Variants in CA10 observed in about 807,000 individuals in gnomAD.
CA10 encodes carbonic anhydrase-related protein 10.
A neutral mutation model predicts 44.2 loss-of-function variants in CA10; 14 were observed. That is an observed-to-expected ratio of 0.32 (90% CI 0.21 to 0.50). CA10 has a LOEUF of 0.50. Among genes scored for constraint, CA10 ranks in the 20% least tolerant of loss-of-function variants. The pLI is 0.99. For missense variants in CA10, 350 were observed against 409.7 expected (o/e 0.85, Z 1.26); for synonymous variants, 159 against 141.6 (o/e 1.12, Z -0.87).
chr17:51,979,414 C>T (rs950107479), intron 2 of CA10, among the ~76,000 whole-genome samples: 1 of 152,064 alleles, frequency 6.6e-6, no homozygotes, highest in East Asian at 1.9e-4. Flanking sequence ...GTTTGTTGTA[C>T]AGATTATTTC....
At chr17:52,091,453 AG>A (rs1988263791) in intron 1 of CA10, among the ~76,000 whole-genome samples, 1 of 152,168 alleles carries the variant, frequency 6.6e-6, no homozygotes, top group African/African-American at 2.4e-5. Flanking sequence ...TATAGATGGG[AG>A]CAAGAAAGCC....
intron 3 of CA10, among the ~76,000 whole-genome samples, chr17:51,779,761 G>T (rs1905972100): frequency 6.6e-6 from 1 of 152,174 alleles, no homozygotes; most frequent in Non-Finnish European, 1.5e-5. Flanking sequence ...CAAATTCATG[G>T]ATTTAGGTGA....
At chr17:52,061,114 T>A in intron 2 of CA10, among the ~76,000 whole-genome samples, 1 of 152,182 alleles carries the variant, frequency 6.6e-6, no homozygotes, top group South Asian at 2.1e-4. Flanking sequence ...AACCTGTGAA[T>A]GTGTTACCTT....
chr17:51,905,817 A>T (rs925155468), intron 3 of CA10, among the ~76,000 whole-genome samples: 1 of 151,878 alleles, frequency 6.6e-6, no homozygotes, highest in Non-Finnish European at 1.5e-5. Flanking sequence ...CAAATTTCCA[A>T]TTCCCGCTCC....
chr17:51,797,767 C>T (rs1049168403), intron 3 of CA10, among the ~76,000 whole-genome samples: 5 of 137,620 alleles, frequency 3.6e-5, no homozygotes, highest in Non-Finnish European at 6.1e-5. Context: ...AGGAGAATTA[C>T]TTGAACCTAG....
At chr17:51,838,799 C>G (rs1978296756) in intron 3 of CA10, among the ~76,000 whole-genome samples, 1 of 152,214 alleles carries the variant, frequency 6.6e-6, no homozygotes, top group Admixed American at 6.5e-5. Flanking sequence ...GATTAGTTCT[C>G]CAGCACCTCC....
intron 2 of CA10, among the ~76,000 whole-genome samples, chr17:51,937,983 C>A (rs556254010): frequency 1.4e-4 from 21 of 152,200 alleles, no homozygotes; most frequent in African/African-American, 4.6e-4. Flanking sequence ...CACCGGAATG[C>A]CAACTATTAT....
intron 2 of CA10, among the ~76,000 whole-genome samples, chr17:52,050,292 T>C (rs758075613): frequency 1.3e-5 from 2 of 152,076 alleles, no homozygotes; most frequent in Non-Finnish European, 2.9e-5. Flanking sequence ...TCTGTAGACA[T>C]TGTCTCCAAA....
chr17:51,723,449 G>C (rs768458373), intron 4 of CA10, among the ~76,000 whole-genome samples: 8 of 152,164 alleles, frequency 5.3e-5, no homozygotes, highest in Admixed American at 2.0e-4. Flanking sequence ...AAGTGCTACT[G>C]GTGCCTGGGA....
chr17:52,129,832 A>G (rs1160012185), intron 1 of CA10, among the ~76,000 whole-genome samples: 1 of 152,196 alleles, frequency 6.6e-6, no homozygotes, highest in Non-Finnish European at 1.5e-5. Flanking sequence ...TTTGTTGACA[A>G]TTCTGCACAG....
chr17:51,766,583 C>A (rs894871785), intron 3 of CA10, among the ~76,000 whole-genome samples: 6 of 152,094 alleles, frequency 3.9e-5, no homozygotes, highest in Non-Finnish European at 7.4e-5. Flanking sequence ...ATTTGCTGGG[C>A]AATCTATCTA....
chr17:52,060,692 A>G (rs900491855), intron 2 of CA10, among the ~76,000 whole-genome samples: 4 of 152,202 alleles, frequency 2.6e-5, no homozygotes, highest in Admixed American at 6.5e-5. Context: ...TTAATCTGGC[A>G]TATAGCCTTT....
chr17:51,998,190 T>G (rs1294259209), intron 2 of CA10, among the ~76,000 whole-genome samples: 1 of 152,050 alleles, frequency 6.6e-6, no homozygotes, highest in African/African-American at 2.4e-5. Context: ...ATGTCCTTTG[T>G]TCACCCACCC....
chr17:52,126,400 AT>A (rs879538385), intron 1 of CA10, among the ~76,000 whole-genome samples: 2 of 152,248 alleles, frequency 1.3e-5, no homozygotes, highest in African/African-American at 2.4e-5. Flanking sequence ...TTTTAAAAAA[AT>A]ATCCATCAGT....
chr17:51,908,105 C>G (rs2651637), intron 3 of CA10, among the ~76,000 whole-genome samples: 102,809 of 151,762 alleles, frequency 0.68, 35,126 homozygotes, highest in Non-Finnish European at 0.7. Flanking sequence ...GTTCTCTGAC[C>G]CACAAACACT....
intron 3 of CA10, among the ~76,000 whole-genome samples, chr17:51,748,961 T>C (rs1463764472): frequency 1.3e-5 from 2 of 152,346 alleles, no homozygotes; most frequent in South Asian, 2.1e-4. Flanking sequence ...CCTGCCACCT[T>C]ACTGTAGAAT....
At chr17:52,103,399 T>A (rs2143256358) in intron 1 of CA10, among the ~76,000 whole-genome samples, 1 of 152,256 alleles carries the variant, frequency 6.6e-6, no homozygotes, top group Middle Eastern at 3.4e-3. Context: ...GAGAGGCAAG[T>A]TTGCACTTGT....
chr17:52,133,152 G>A (rs1418161257), intron 1 of CA10, among the ~76,000 whole-genome samples: 1 of 152,178 alleles, frequency 6.6e-6, no homozygotes, highest in African/African-American at 2.4e-5. Flanking sequence ...ATGCCCTTTG[G>A]TGAAATCAGG....
At chr17:51,805,253 A>C (rs1348526160) in intron 3 of CA10, among the ~76,000 whole-genome samples, 2 of 152,120 alleles carry the variant, frequency 1.3e-5, no homozygotes, top group African/African-American at 4.8e-5. Flanking sequence ...CCACTATTCT[A>C]TTCATTAACT....
Sources: gnomAD v4.1 joint callset for allele counts (sites outside exome capture counted in the v4.1 genomes callset) on GRCh38, gnomAD v4.1.1 for gene constraint, MANE v1.5 for transcripts, NCBI Gene and HGNC (gene_info 2026-07-23, HGNC 2026-07-21) for gene names.